Variants in GOSR2 observed in about 807,000 individuals in gnomAD.
GOSR2 encodes the protein golgi SNAP receptor complex member 2.
Under a neutral mutation model 27.9 loss-of-function variants are expected in GOSR2, and 20 were observed. That is an observed-to-expected ratio of 0.72 (90% CI 0.50 to 1.04). The LOEUF (loss-of-function observed/expected upper bound fraction) is 1.04, where lower values mean the gene tolerates loss of function less well. Among genes scored for constraint, GOSR2 ranks in the 50% least tolerant of loss-of-function variants. The probability of loss-of-function intolerance (pLI) is 0.00; values close to 1 mark genes in which losing one functional copy is unlikely to be tolerated. For missense variants in GOSR2, 261 were observed against 270.5 expected (o/e 0.97, Z 0.25); for synonymous variants, 91 against 98.8 (o/e 0.92, Z 0.47).
chr17:46,925,936 G>T (rs1190301734), intron 1 of GOSR2, among the ~76,000 whole-genome samples: 2 of 152,140 alleles, frequency 1.3e-5, no homozygotes, highest in Non-Finnish European at 2.9e-5. Context: ...TAATAGCCAG[G>T]CTTCTATTTT....
chr17:46,938,052 G>A (rs2088696882), intron 5 of GOSR2: 1 of 179,856 alleles, frequency 5.6e-6, no homozygotes, highest in Non-Finnish European at 1.2e-5. Flanking sequence ...TTGTAGAGAA[G>A]GGGTCTTCAC....
intron 6 of GOSR2, among the ~76,000 whole-genome samples, chr17:46,963,273 A>G (rs892467933): frequency 5.3e-5 from 8 of 152,238 alleles, no homozygotes; most frequent in Non-Finnish European, 1.0e-4. Flanking sequence ...AGCCAGGTGC[A>G]GTGGCTCACG....
At position 46,940,407 on chromosome 17, in the gene GOSR2, A is replaced by G; in HGVS notation, c.*1647A>G. On this transcript the variant is annotated 3_prime_UTR_variant, in exon 6 of 6. Coordinates refer to ENST00000640051, the MANE Select transcript of GOSR2 (RefSeq NM_004287.5). ...TGGACTGGGGGGTTGCAGCATCTTTAGACCTAGATCTGTCTAACTCTGGGG... is the reference window on the plus strand; with the variant it reads ...TGGACTGGGGGGTTGCAGCATCTTTGGACCTAGATCTGTCTAACTCTGGGG... The G allele has an allele frequency of 6.3e-7, 1 of 1,581,136 alleles. No homozygotes were observed. The highest frequency in any genetic ancestry group is 8.6e-7 in the Non-Finnish European group (1 of 1,168,068).
At chr17:46,952,210 T>A (rs1174255529) in intron 6 of GOSR2, among the ~76,000 whole-genome samples, 2 of 152,188 alleles carry the variant, frequency 1.3e-5, no homozygotes, top group African/African-American at 4.8e-5. Context: ...TGTCTCTCCT[T>A]CCTGTGGAAA....
At chr17:46,947,414 C>G (rs111280560) in intron 6 of GOSR2, among the ~76,000 whole-genome samples, 123 of 152,344 alleles carry the variant, frequency 8.1e-4, no homozygotes, top group African/African-American at 2.8e-3. Context: ...AGGGCAGAGG[C>G]TGTCACTGCC....
chr17:46,943,460 A>G (rs2089530626), downstream of GOSR2, among the ~76,000 whole-genome samples: 1 of 152,162 alleles, frequency 6.6e-6, no homozygotes, highest in South Asian at 2.1e-4. Context: ...TTTGCACAAG[A>G]TGTTTCCTCT....
chr17:46,964,887 G>A (rs2091242082), intron 6 of GOSR2: 1 of 152,230 alleles, frequency 6.6e-6, no homozygotes, highest in Admixed American at 6.5e-5. Context: ...GCCCTGATGG[G>A]AAGGTCTGTG....
At chr17:46,972,224 C>G (rs2091400358) in intron 6 of GOSR2, among the ~76,000 whole-genome samples, 1 of 152,172 alleles carries the variant, frequency 6.6e-6, no homozygotes, top group African/African-American at 2.4e-5. Flanking sequence ...CTTTGCTTCT[C>G]CCGCCACCCG....
rs928695868 is a variant in GOSR2 at position 46,940,685 on chromosome 17, T to C, written c.*1925T>C. ...ATGCGTGGACTGATAGGACATCTTTTCGTGGTGTGCACCAGTGCTTTCCAC... is the reference window on the plus strand; with the variant it reads ...ATGCGTGGACTGATAGGACATCTTTCCGTGGTGTGCACCAGTGCTTTCCAC... On this transcript the variant is annotated 3_prime_UTR_variant, in exon 6 of 6. Coordinates refer to ENST00000640051, the MANE Select transcript of GOSR2 (RefSeq NM_004287.5). 4 of 1,611,296 alleles carry C rather than the reference T, an allele frequency of 2.5e-6. No homozygotes were observed. In the African/African-American group the frequency reaches 5.3e-5, roughly 22 times the overall value.
rs538168905 is a variant in GOSR2 at position 46,966,372 on chromosome 17, TCA to T, written c.584-158_584-157del. ...GATCATGGCCCATTGTGTGACCTCC[TCA>T]CACCTCTTCAAGGCCCTCAGATACC... On this transcript the variant is annotated intron_variant, in intron 6 of 6. Transcript: ENST00000573224. Among the ~76,000 whole-genome samples, 15 of 152,324 alleles carry T rather than the reference TCA, an allele frequency of 9.8e-5. No individual in the cohort carries two copies. In the East Asian group the frequency reaches 2.9e-3, roughly 29 times the overall value.
At position 46,940,875 on chromosome 17, in the gene GOSR2, G is replaced by A. The variant is rs2089177675; in HGVS notation, c.*2115G>A. On this transcript the variant is annotated 3_prime_UTR_variant, in exon 6 of 6. Coordinates refer to ENST00000640051, the MANE Select transcript of GOSR2 (RefSeq NM_004287.5). Reference sequence around the variant, plus strand: ...CCCAGGGGCATTGAGACTGCATGTTGTCACATGACCACTTCTCTTCACACA... The same window carrying A: ...CCCAGGGGCATTGAGACTGCATGTTATCACATGACCACTTCTCTTCACACA... 5.0e-6 allele frequency: 7 copies of A among 1,413,928 alleles called. No individual in the cohort carries two copies. The South Asian group carries it at 8.9e-5, about 18-fold the overall frequency. 87.6% of individuals were successfully genotyped at this position (1,413,928 alleles called of 1,614,324 possible).
chr17:46,931,957 G>C, intron 3 of GOSR2, 110 bp from the exon 4 acceptor site: 3 of 894,822 alleles, frequency 3.4e-6, no homozygotes, highest in Non-Finnish European at 5.6e-6. Context: ...GTGTGGGGTG[G>C]TGTAGGGAGA....
At chr17:46,929,691 G>T (rs1360731764) in intron 2 of GOSR2, 107 bp downstream of exon 2, 1 of 719,060 alleles carries the variant, frequency 1.4e-6, no homozygotes, top group Non-Finnish European at 2.6e-6. Context: ...ATTCAGCGTG[G>T]AATGAGTTTT....
At chr17:46,975,748 G>A (rs1181311421), downstream of GOSR2, among the ~76,000 whole-genome samples, 2 of 152,154 alleles carry the variant, frequency 1.3e-5, no homozygotes, top group Admixed American at 6.5e-5. Flanking sequence ...CCAAACACAC[G>A]TTAGTACACA....
chr17:46,936,397 C>T, intron 5 of GOSR2: 1 of 985,358 alleles, frequency 1.0e-6, no homozygotes, highest in South Asian at 4.7e-5. Context: ...ACACCTCTTG[C>T]CACCCACACT....
chr17:46,940,444 C>G lies in GOSR2; in HGVS notation c.*1684C>G, dbSNP rs2089105798. 2 of 1,605,806 alleles carry G rather than the reference C, an allele frequency of 1.2e-6. No homozygotes were observed. Among genetic ancestry groups the G allele is most frequent in the Admixed American group, 1.7e-5 (1 of 59,978 alleles). ...GTCTAACTCTGGGGAGGCACATTGACATTTCCATTACACACAGCACTGCTG... is the reference window on the plus strand; with the variant it reads ...GTCTAACTCTGGGGAGGCACATTGAGATTTCCATTACACACAGCACTGCTG... On this transcript the variant is annotated 3_prime_UTR_variant, in exon 6 of 6. Coordinates refer to ENST00000640051, the MANE Select transcript of GOSR2 (RefSeq NM_004287.5).
At chr17:46,932,429 T>C (rs2146920757) in intron 4 of GOSR2, 4 of 607,400 alleles carry the variant, frequency 6.6e-6, no homozygotes, top group Middle Eastern at 4.0e-4. Context: ...TGAAGGGGAA[T>C]AGGCAGAGGT....
In GOSR2 at chr17:46,936,401, C is replaced by G. The variant is rs2088360531; in HGVS notation, c.477+1232C>G. The G allele has an allele frequency of 3.0e-6, 3 of 985,222 alleles. 1 individual carries two copies. In the South Asian group the frequency reaches 1.4e-4, roughly 46 times the overall value. 61.0% of individuals were successfully genotyped at this position (985,222 alleles called of 1,614,324 possible). A position where few individuals can be genotyped will look rare whatever the true frequency, so the allele number is the denominator to read the frequency against. On this transcript the variant is annotated intron_variant, in intron 5 of 5. Coordinates refer to ENST00000640051, the MANE Select transcript of GOSR2 (RefSeq NM_004287.5). ...GGGGCATCAGCACACCTCTTGCCAC[C>G]CACACTGATACCAGAGGGGAAGGCT...
rs2088922181 is a variant in GOSR2 at position 46,939,287 on chromosome 17, AT to A, written c.*528del. The A allele has an allele frequency of 2.0e-6, 2 of 1,023,340 alleles. No homozygotes were observed. Among genetic ancestry groups the A allele is most frequent in the Admixed American group, 5.0e-5 (1 of 20,058 alleles). The allele number at this position is 1,023,340 out of a possible 1,614,324, so 63.4% of individuals were successfully genotyped here. ...TCCCCTGTGCCTCAGTGACATGTAG[AT>A]GACTGACTGCCAATACTTGTCACCA... On this transcript the variant is annotated 3_prime_UTR_variant, in exon 6 of 6. Coordinates refer to ENST00000640051, the MANE Select transcript of GOSR2 (RefSeq NM_004287.5).
Sources: allele counts gnomAD v4.1 joint callset (sites outside exome capture counted in the v4.1 genomes callset), GRCh38; gene constraint gnomAD v4.1.1; transcripts MANE v1.5; gene names NCBI Gene and HGNC (gene_info 2026-07-23, HGNC 2026-07-21).